The following C13orf46 variants were observed in gnomAD, a reference collection of about 807,000 sequenced individuals.
C13orf46 encodes the protein chromosome 13 open reading frame 46, also known as uncharacterized protein C13orf46.
chr13:113,972,532 C>G (rs995824719), intron 1 of C13orf46, among the ~76,000 whole-genome samples: 2 of 152,176 alleles, frequency 1.3e-5, no homozygotes, highest in African/African-American at 2.4e-5. Context: ...AGCTCCGTGT[C>G]AGCCCCTCAG....
At chr13:113,950,931 C>T (rs1239898422), downstream of C13orf46, among the ~76,000 whole-genome samples, 6 of 152,306 alleles carry the variant, frequency 3.9e-5, no homozygotes, top group African/African-American at 1.2e-4. Context: ...ATGTCCGTGG[C>T]GCTGGCGAGG....
At chr13:113,962,697 G>A (rs2052596811) in intron 6 of C13orf46, among the ~76,000 whole-genome samples, 1 of 152,178 alleles carries the variant, frequency 6.6e-6, no homozygotes, top group South Asian at 2.1e-4. Flanking sequence ...CAGGTTTTCT[G>A]GGATAGCTGA....
At chr13:113,945,652 G>GAAAGAAAGAAAGAAAGAAAGAA in the C13orf46 span, among the ~76,000 whole-genome samples, 1 of 138,168 alleles carries the variant, frequency 7.2e-6, no homozygotes, top group African/African-American at 2.7e-5. Context: ...AAGAAAGAAA[G>GAAAGAAAGAAAGAAAGAAAGAA]AAAGAAAGAA....
the C13orf46 span, among the ~76,000 whole-genome samples, chr13:113,939,921 G>A: frequency 6.6e-6 from 1 of 152,332 alleles, no homozygotes; most frequent in East Asian, 1.9e-4. Context: ...GAAACCGGGT[G>A]CCAGGCAGGA....
chr13:113,950,510 G>A (rs952132983), downstream of C13orf46, among the ~76,000 whole-genome samples: 9 of 152,308 alleles, frequency 5.9e-5, no homozygotes, highest in Non-Finnish European at 1.3e-4. Context: ...CCCCCTGCCT[G>A]CCCCTCAAGG....
At chr13:113,948,763 T>G (rs935352982), downstream of C13orf46, among the ~76,000 whole-genome samples, 64 of 152,326 alleles carry the variant, frequency 4.2e-4, 2 homozygotes, top group South Asian at 0.013. Flanking sequence ...AAAACGCTAC[T>G]GAGATAAATC....
At chr13:113,959,041 T>C (rs1387637409) in intron 6 of C13orf46, among the ~76,000 whole-genome samples, 2 of 151,986 alleles carry the variant, frequency 1.3e-5, no homozygotes, top group East Asian at 1.9e-4. Context: ...ACTTGGGAGG[T>C]TGAGGCAGGT....
the C13orf46 span, chr13:113,927,608 G>A: frequency 1.3e-5 from 5 of 398,696 alleles, no homozygotes; most frequent in Admixed American, 4.4e-5. Context: ...GGTGGGGAGT[G>A]AGCCTTGCTG....
At chr13:113,932,261 G>T in the C13orf46 span, among the ~76,000 whole-genome samples, 1 of 152,246 alleles carries the variant, frequency 6.6e-6, no homozygotes, top group African/African-American at 2.4e-5. Context: ...GAACAGACAT[G>T]TCTGGGTCAC....
the C13orf46 span, among the ~76,000 whole-genome samples, chr13:113,930,383 GGCGC>G: frequency 4.2e-4 from 44 of 103,892 alleles, no homozygotes; most frequent in African/African-American, 1.6e-3. Flanking sequence ...CCGAGGCGGG[GGCGC>G]AGGAGCACCG....
chr13:113,927,412 C>A, the C13orf46 span: 2 of 396,864 alleles, frequency 5.0e-6, no homozygotes, highest in Non-Finnish European at 8.9e-6. Context: ...CCCCTCTCCA[C>A]CCTCTTTCCA....
chr13:113,945,691 G>A, the C13orf46 span, among the ~76,000 whole-genome samples: 36 of 150,812 alleles, frequency 2.4e-4, 1 homozygote, highest in Admixed American at 2.4e-3. Flanking sequence ...AACAAACCAA[G>A]TCTTCATCTG....
chr13:113,935,604 TC>T, the C13orf46 span, among the ~76,000 whole-genome samples: 1 of 152,238 alleles, frequency 6.6e-6, no homozygotes, highest in Non-Finnish European at 1.5e-5. Flanking sequence ...AGAAGGGGTC[TC>T]TTGACATCTC....
chr13:113,938,298 CA>C, the C13orf46 span, among the ~76,000 whole-genome samples: 1 of 152,206 alleles, frequency 6.6e-6, no homozygotes, highest in African/African-American at 2.4e-5. Flanking sequence ...TGGCTTCCAA[CA>C]GCTCAAATGT....
chr13:113,946,398 C>G, the C13orf46 span, among the ~76,000 whole-genome samples: 1 of 152,206 alleles, frequency 6.6e-6, no homozygotes, highest in Non-Finnish European at 1.5e-5. Flanking sequence ...ATCCTGGGAA[C>G]TGAAGGGCGT....
chr13:113,966,064 A>C (rs2052640958), intron 5 of C13orf46, among the ~76,000 whole-genome samples: 1 of 139,290 alleles, frequency 7.2e-6, no homozygotes, highest in African/African-American at 2.6e-5. Flanking sequence ...GGTGATGGGA[A>C]TGATGGTGGT....
the C13orf46 span, among the ~76,000 whole-genome samples, chr13:113,948,173 T>C: frequency 2.0e-5 from 3 of 152,106 alleles, no homozygotes; most frequent in Non-Finnish European, 2.9e-5. Flanking sequence ...AGGAGTCACA[T>C]AGACATGACT....
the C13orf46 span, among the ~76,000 whole-genome samples, chr13:113,937,003 G>A: frequency 6.6e-6 from 1 of 152,118 alleles, no homozygotes. Context: ...GTAGCCTAGT[G>A]GTCTCTCAAT....
downstream of C13orf46, among the ~76,000 whole-genome samples, chr13:113,952,603 G>A (rs1305448811): frequency 3.3e-5 from 5 of 152,352 alleles, no homozygotes; most frequent in African/African-American, 1.2e-4. Context: ...GGGCAACGGG[G>A]GCCACCACCC....
Sources: gnomAD v4.1 joint callset for allele counts (sites outside exome capture counted in the v4.1 genomes callset) on GRCh38, gnomAD v4.1.1 for gene constraint, MANE v1.5 for transcripts, NCBI Gene and HGNC (gene_info 2026-07-23, HGNC 2026-07-21) for gene names.